LY75: variants seen among roughly 807,000 people sequenced by gnomAD.
LY75 encodes C-type lectin domain family 13 member B.
LY75 carries 185 observed loss-of-function variants against 231.7 expected under a neutral mutation model. That is an observed-to-expected ratio of 0.80 (90% CI 0.71 to 0.90). The LOEUF is 0.90. Ranked by LOEUF, LY75 falls within the 40% of genes least tolerant of loss-of-function variation. The probability of loss-of-function intolerance (pLI) is 0.00; values close to 1 mark genes in which losing one functional copy is unlikely to be tolerated. For synonymous variants in LY75, 668 were observed against 689.0 expected (o/e 0.97, Z 0.48); for missense variants, 1,947 against 2,050.2 (o/e 0.95, Z 0.97).
rs150493510 is a variant in LY75, at chr2:159,898,829, T to G, written c.325A>C (p.Lys109Gln). The G allele has an allele frequency of 1.4e-4, 228 of 1,614,182 alleles. 5 individuals carry two copies. Among genetic ancestry groups the G allele is most frequent in the East Asian group, 9.4e-4 (42 of 44,886 alleles). ...SCDSSAMLWW[K>Q]CEHHSLYGAA... ...CCGTACAGAGAGTGGTGCTCACATT[T>G]CCACCACAGCATGGCACTGGAGTCA... Residue 109 changes from lysine (K) to glutamine (Q), a missense_variant, in exon 2 of 35, where the codon AAA becomes CAA. Lys to Gln is a moderately conservative substitution (Grantham distance 53). Transcript: ENST00000263636.
intron 32 of LY75, among the ~76,000 whole-genome samples, chr2:159,809,331 A>G (rs1682883429): frequency 6.6e-6 from 1 of 152,070 alleles, no homozygotes; most frequent in South Asian, 2.1e-4. Context: ...AATCATTGCT[A>G]CTCTTTCTAA....
At chr2:159,886,385 G>T (rs760120209) in intron 5 of LY75, 35 bp downstream of exon 5, 4 of 1,536,030 alleles carry the variant, frequency 2.6e-6, no homozygotes, top group African/African-American at 1.4e-5. Context: ...TTGAAGATTT[G>T]TTCTGTGCAG....
chr2:159,880,516 G>C (rs1228619832), intron 8 of LY75, among the ~76,000 whole-genome samples: 2 of 152,206 alleles, frequency 1.3e-5, no homozygotes, highest in Non-Finnish European at 2.9e-5. Flanking sequence ...CAGGTTGCTA[G>C]AATCAGTCAG....
chr2:159,821,749 G>C (rs115912963), intron 28 of LY75, among the ~76,000 whole-genome samples: 1,915 of 152,238 alleles, frequency 0.013, 16 homozygotes, highest in Admixed American at 0.029. Context: ...TTGCTGGCAA[G>C]ATGGCCAAAT....
intron 28 of LY75, among the ~76,000 whole-genome samples, chr2:159,820,848 T>G (rs1683263421): frequency 6.6e-6 from 1 of 152,224 alleles, no homozygotes. Context: ...AATTAATATT[T>G]TTTTTCTTTG....
chr2:159,864,257 T>C (rs1330858297), intron 14 of LY75, among the ~76,000 whole-genome samples: 1 of 152,194 alleles, frequency 6.6e-6, no homozygotes, highest in African/African-American at 2.4e-5. Flanking sequence ...ATCCCATTTG[T>C]CTATTTTGGT....
chr2:159,875,868 T>C (rs1685252874), intron 11 of LY75, among the ~76,000 whole-genome samples: 1 of 152,130 alleles, frequency 6.6e-6, no homozygotes, highest in Non-Finnish European at 1.5e-5. Context: ...TATGGGGGGA[T>C]TCTATTGTCA....
At chr2:159,900,079 G>A (rs754444631) in intron 1 of LY75, among the ~76,000 whole-genome samples, 2 of 152,122 alleles carry the variant, frequency 1.3e-5, no homozygotes, top group Non-Finnish European at 2.9e-5. Context: ...AAGATCCTGT[G>A]GGTTTGGACA....
intron 1 of LY75, among the ~76,000 whole-genome samples, chr2:159,902,165 A>G (rs953330092): frequency 6.6e-6 from 1 of 152,220 alleles, no homozygotes; most frequent in African/African-American, 2.4e-5. Context: ...ATAGCTTTCT[A>G]CTGGGTTTTG....
At chr2:159,835,231 T>G (rs1051793949) in intron 26 of LY75, among the ~76,000 whole-genome samples, 2 of 152,164 alleles carry the variant, frequency 1.3e-5, no homozygotes, top group Non-Finnish European at 2.9e-5. Flanking sequence ...CAATGGGATT[T>G]TAAGTGTTAA....
At chr2:159,844,809 A>C (rs62176665) in intron 23 of LY75, among the ~76,000 whole-genome samples, 20 of 136,030 alleles carry the variant, frequency 1.5e-4, no homozygotes, top group African/African-American at 5.6e-4. Flanking sequence ...TTTTTTTTAA[A>C]TTTCAGCTTT....
rs918289597 is a variant in LY75, at chr2:159,904,486, C to T, written c.94+103G>A. On this transcript the variant is annotated intron_variant, in intron 1 of 34. Coordinates refer to ENST00000263636, the MANE Select transcript of LY75 (RefSeq NM_002349.4). ...CCCCCCGCCCCAACAGCAAAGCAGC[C>T]GTGACCTGCCCCAGGGGCGCAGCCC... The T allele has an allele frequency of 1.9e-5, 24 of 1,278,208 alleles. No individual in the cohort carries two copies. The Admixed American group carries it at 7.2e-4, about 39-fold the overall frequency. 79.2% of individuals were successfully genotyped at this position (1,278,208 alleles called of 1,614,324 possible).
At chr2:159,866,654 G>A (rs982717835) in intron 13 of LY75, among the ~76,000 whole-genome samples, 3 of 152,116 alleles carry the variant, frequency 2.0e-5, no homozygotes, top group Admixed American at 6.6e-5. Flanking sequence ...CTAGACAATT[G>A]GCATACACAG....
intron 23 of LY75, among the ~76,000 whole-genome samples, chr2:159,845,083 T>G (rs114170675): frequency 6.6e-6 from 1 of 152,102 alleles, no homozygotes; most frequent in Non-Finnish European, 1.5e-5. Flanking sequence ...ATAGCTAAAG[T>G]TGCCATTGTT....
At chr2:159,805,580 A>G (rs1265118925) in intron 34 of LY75, among the ~76,000 whole-genome samples, 1 of 152,236 alleles carries the variant, frequency 6.6e-6, no homozygotes, top group African/African-American at 2.4e-5. Flanking sequence ...GCAAATTGCT[A>G]AAAGCTATAA....
intron 25 of LY75, among the ~76,000 whole-genome samples, chr2:159,837,299 C>T (rs1347043001): frequency 6.6e-6 from 1 of 152,214 alleles, no homozygotes; most frequent in Non-Finnish European, 1.5e-5. Context: ...TGATGGCATA[C>T]TGTGCAGCCA....
intron 23 of LY75, among the ~76,000 whole-genome samples, chr2:159,843,490 A>T (rs1378051196): frequency 6.7e-6 from 1 of 148,764 alleles, no homozygotes; most frequent in Non-Finnish European, 1.5e-5. Context: ...AATAATGGCC[A>T]TTTTTTTTTT....
intron 28 of LY75, among the ~76,000 whole-genome samples, chr2:159,831,210 G>A (rs1683646156): frequency 6.6e-6 from 1 of 152,120 alleles, no homozygotes; most frequent in Admixed American, 6.5e-5. Context: ...TCGTGATAGT[G>A]AGTGAGTTCT....
At chr2:159,842,140 CA>C in intron 24 of LY75, 104 bp downstream of exon 24, 1 of 1,372,132 alleles carries the variant, frequency 7.3e-7, no homozygotes, top group Non-Finnish European at 9.6e-7. Context: ...GGTAATTTTT[CA>C]ACCTATGTTC....
Sources: allele counts gnomAD v4.1 joint callset (sites outside exome capture counted in the v4.1 genomes callset), GRCh38; gene constraint gnomAD v4.1.1; transcripts MANE v1.5; gene names NCBI Gene and HGNC (gene_info 2026-07-23, HGNC 2026-07-21).